Variants in CCDC88C observed in about 807,000 individuals in gnomAD.
CCDC88C encodes protein Daple.
Under a neutral mutation model 198.8 loss-of-function variants are expected in CCDC88C, and 131 were observed. That is an observed-to-expected ratio of 0.66 (90% confidence interval 0.57 to 0.76). The LOEUF is 0.76. Among genes scored for constraint, CCDC88C ranks in the 30% least tolerant of loss-of-function variants. CCDC88C has a pLI of 0.00. For synonymous variants in CCDC88C, 1,166 were observed against 1,114.7 expected, an observed-to-expected ratio of 1.05 and a Z score of -0.92; for missense variants, 2,553 against 2,631.6, an observed-to-expected ratio of 0.97 and a Z score of 0.65.
In CCDC88C at chr14:91,308,448, G is replaced by A; in HGVS notation, c.2909C>T (p.Thr970Ile). The A allele has an allele frequency of 6.2e-7, 1 of 1,613,928 alleles. No individual in the cohort carries two copies. Among genetic ancestry groups the A allele is most frequent in the Non-Finnish European group, 8.5e-7 (1 of 1,179,844 alleles). Residue 970 changes from threonine to isoleucine, a missense_variant, in exon 17 of 30, where the codon ACA becomes ATA. Physicochemically the swap from Thr to Ile is moderately conservative, Grantham distance 89. Coordinates refer to ENST00000389857, the MANE Select transcript of CCDC88C (RefSeq NM_001080414.4). ...CTTTTCTTCTTTCATGGCTAGTGTTGTTTTTAATGCTGATTCATTTCTGCC... is the reference window on the plus strand; with the variant it reads ...CTTTTCTTCTTTCATGGCTAGTGTTATTTTTAATGCTGATTCATTTCTGCC... ...LEGRNESALK[T>I]TLAMKEEKIV... is the part of the protein sequence containing the mutation.
intron 19 of CCDC88C, 41 bp downstream of exon 19, chr14:91,305,724 C>G: frequency 6.4e-7 from 1 of 1,568,468 alleles, no homozygotes; most frequent in Non-Finnish European, 8.7e-7. Context: ...GATAAACATC[C>G]CGCCAGGCTT....
rs147312110 is a variant in CCDC88C, at chr14:91,348,297, C to T, written c.341-4640G>A. 1.2e-3 allele frequency among the ~76,000 whole-genome samples: 181 copies of T among 147,302 alleles called. No individual in the cohort carries two copies. The Middle Eastern group carries it at 0.014, about 11-fold the overall frequency. On this transcript the variant is annotated intron_variant, in intron 4 of 29. Transcript: ENST00000389857. ...CTGGGATTACAGGTGTGAGCCACTG[C>T]GCCCAGCCAAGACCCTATCTCTATT...
chr14:91,289,214 C>T lies in CCDC88C; in HGVS notation c.4332G>A (p.Ser1444=), dbSNP rs763645323. 1.2e-5 allele frequency: 20 copies of T among 1,613,980 alleles called. No homozygotes were observed. Among genetic ancestry groups the T allele is most frequent in the African/African-American group, 2.7e-5 (2 of 75,054 alleles). Residue 1444 remains serine (S), a synonymous_variant, in exon 25 of 30, where the codon TCG becomes TCA. Transcript: ENST00000389857. ...PWQLESSDPA[S]PAASQPLRSQ... ...ATCTGAGCGGCTGAGAGGCCGCCGG[C>T]GAGGCGGGGTCTGAGGACTCCAGCT...
chr14:91,307,628 TG>T (rs1270214375), intron 17 of CCDC88C, among the ~76,000 whole-genome samples: 1 of 152,224 alleles, frequency 6.6e-6, no homozygotes, highest in African/African-American at 2.4e-5. Context: ...TATTCAATCC[TG>T]CAGCCAAGAA....
In CCDC88C at chr14:91,313,074, G is replaced by A. The variant is rs551409648; in HGVS notation, c.2736+6C>T. On this transcript the variant is annotated splice_donor_region_variant and intron_variant, in intron 15 of 29. Transcript: ENST00000389857. This position sits in a 1 kb window ranked among gnomAD's most constrained non-coding sequence, Gnocchi z 5.2. ...CCCCTTACAGGCGCCGCCTGTGTTT[G>A]CTCACCTCCCTCAGAGTTGTCAGTG... 5.1e-6 allele frequency: 8 copies of A among 1,567,378 alleles called. No homozygotes were observed. Among genetic ancestry groups the A allele is most frequent in the South Asian group, 3.6e-5 (3 of 83,626 alleles).
intron 26 of CCDC88C, among the ~76,000 whole-genome samples, chr14:91,282,901 A>G (rs1287486298): frequency 6.6e-6 from 1 of 152,240 alleles, no homozygotes; most frequent in African/African-American, 2.4e-5. Context: ...ATATCTACAA[A>G]AACTTTAAAA....
intron 22 of CCDC88C, among the ~76,000 whole-genome samples, chr14:91,294,706 G>A (rs1174356432): frequency 1.3e-5 from 2 of 152,248 alleles, no homozygotes; most frequent in African/African-American, 4.8e-5. Context: ...CCAGGCTGGA[G>A]TGGAGTGGCA....
At chr14:91,336,852 T>C (rs1469220152) in intron 10 of CCDC88C, among the ~76,000 whole-genome samples, 1 of 152,220 alleles carries the variant, frequency 6.6e-6, no homozygotes, top group Non-Finnish European at 1.5e-5. Flanking sequence ...ACAGAACACG[T>C]AGAGATCCTG....
rs1475460572 is a variant in CCDC88C, at chr14:91,371,442, TGCTGTCCAGGCCCA to T, written c.271-11745_271-11732del. Among the ~76,000 whole-genome samples, 1 of 152,018 alleles carries T rather than the reference TGCTGTCCAGGCCCA, an allele frequency of 6.6e-6. No individual in the cohort carries two copies. Among genetic ancestry groups the T allele is most frequent in the African/African-American group, 2.4e-5 (1 of 41,390 alleles). The stretch of plus-strand genomic sequence containing the variant: ...TAGTGGTCCCATGGGAGGAGCCATG[TGCTGTCCAGGCCCA>T]GCCAACCTCACCCGCCGGTGGCAGG... On this transcript the variant is annotated intron_variant, in intron 3 of 29. Transcript: ENST00000389857. The surrounding 1 kb of genome is among the most constrained non-coding windows in gnomAD (Gnocchi z 4.2).
chr14:91,415,111 T>C (rs564681185), intron 2 of CCDC88C, among the ~76,000 whole-genome samples: 71 of 152,236 alleles, frequency 4.7e-4, no homozygotes, highest in Middle Eastern at 6.8e-3. Flanking sequence ...TTAAACAGTC[T>C]TGGGCTTGGG....
intron 3 of CCDC88C, among the ~76,000 whole-genome samples, chr14:91,390,880 C>T (rs753359144): frequency 2.0e-4 from 31 of 152,182 alleles, no homozygotes; most frequent in Non-Finnish European, 4.3e-4. Flanking sequence ...AACATGGATT[C>T]GGTCCTCAGG....
intron 15 of CCDC88C, among the ~76,000 whole-genome samples, chr14:91,312,672 G>A (rs924684201): frequency 6.6e-6 from 1 of 152,210 alleles, no homozygotes; most frequent in Non-Finnish European, 1.5e-5. Flanking sequence ...ACGACAGTGA[G>A]ACTCCGTCTC....
At chr14:91,416,940 G>T in intron 1 of CCDC88C, 102 bp from the exon 2 acceptor site, 1 of 797,146 alleles carries the variant, frequency 1.3e-6, no homozygotes, top group Non-Finnish European at 2.1e-6. Context: ...AGTGTGAGCA[G>T]AAGGGGGTCA....
chr14:91,412,583 C>T lies in CCDC88C; in HGVS notation c.162-3816G>A, dbSNP rs554283235. 1.2e-3 allele frequency among the ~76,000 whole-genome samples: 176 copies of T among 152,166 alleles called. 3 individuals are homozygous for T. The South Asian group carries it at 0.033, about 29-fold the overall frequency. On this transcript the variant is annotated intron_variant, in intron 2 of 29. Coordinates refer to ENST00000389857, the MANE Select transcript of CCDC88C (RefSeq NM_001080414.4). ...CTCAGTAGCTGGGACTACAGGCGCC[C>T]GCCACCACGCCTGGCTAATTTTTTT...
chr14:91,354,600 C>A (rs1469360518), intron 4 of CCDC88C, among the ~76,000 whole-genome samples: 1 of 152,180 alleles, frequency 6.6e-6, no homozygotes, highest in African/African-American at 2.4e-5. Flanking sequence ...TGACCACTGA[C>A]AACTGGCCTT....
rs117341290 is a variant in CCDC88C at position 91,359,913 on chromosome 14, T to C, written c.271-202A>G. ...AAGCCTAACTGTATTTCTGTCTTGA[T>C]TGTTAGCAAATAAAAAGTATGCCTA... is the stretch of plus-strand genomic sequence containing the variant. On this transcript the variant is annotated intron_variant, in intron 3 of 29. Coordinates refer to ENST00000389857, the MANE Select transcript of CCDC88C (RefSeq NM_001080414.4). Among the ~76,000 whole-genome samples, 25 of 152,302 alleles carry C rather than the reference T, an allele frequency of 1.6e-4. 1 individual carries two copies. In the East Asian group the frequency reaches 4.6e-3, roughly 28 times the overall value.
At chr14:91,290,245 C>A (rs1890603000) in intron 24 of CCDC88C, among the ~76,000 whole-genome samples, 1 of 152,244 alleles carries the variant, frequency 6.6e-6, no homozygotes, top group South Asian at 2.1e-4. Flanking sequence ...GCACTCCAAC[C>A]TGGATGTCAC....
At chr14:91,277,473 C>T (rs538143834) in intron 29 of CCDC88C, among the ~76,000 whole-genome samples, 5 of 152,318 alleles carry the variant, frequency 3.3e-5, no homozygotes, top group African/African-American at 7.2e-5. Flanking sequence ...TCTGCTTTCT[C>T]GAATGTGGCA....
chr14:91,331,449 G>A (rs1892821884), intron 10 of CCDC88C, among the ~76,000 whole-genome samples: 1 of 152,222 alleles, frequency 6.6e-6, no homozygotes, highest in African/African-American at 2.4e-5. Context: ...GGGCAAGGCA[G>A]ACCAGGCCAC....
Sources: gnomAD v4.1 joint callset for allele counts (sites outside exome capture counted in the v4.1 genomes callset) on GRCh38, gnomAD v4.1.1 for gene constraint, Gnocchi (gnomAD v3.1) non-coding constraint, MANE v1.5 for transcripts, NCBI Gene and HGNC (gene_info 2026-07-23, HGNC 2026-07-21) for gene names.